PPA1: variants seen among roughly 807,000 people sequenced by gnomAD.
The protein encoded by PPA1 is inorganic pyrophosphatase.
In PPA1, 23 loss-of-function variants were observed where a neutral mutation model predicts 41.8. That is an observed-to-expected ratio of 0.55 (90% CI 0.40 to 0.78). The LOEUF is 0.78. Ranked by LOEUF, PPA1 falls within the 30% of genes least tolerant of loss-of-function variation. The probability of loss-of-function intolerance (pLI) is 0.00; values close to 1 mark genes in which losing one functional copy is unlikely to be tolerated. For synonymous variants in PPA1, 101 were observed against 116.8 expected (o/e 0.86, Z 0.87); for missense variants, 320 against 361.6 (o/e 0.89, Z 0.93).
intron 8 of PPA1, among the ~76,000 whole-genome samples, chr10:70,207,390 G>A (rs1270563468): frequency 1.3e-5 from 2 of 152,112 alleles, no homozygotes. Context: ...TTCTAGACTA[G>A]GCATGGTGGC....
chr10:70,203,272 G>C, intron 10 of PPA1, 86 bp from the exon 11 acceptor site: 1 of 1,170,394 alleles, frequency 8.5e-7, no homozygotes, highest in South Asian at 1.3e-5. Context: ...TAATATACTT[G>C]CTTTAATGAA....
At chr10:70,226,536 G>C (rs916154917) in intron 2 of PPA1, among the ~76,000 whole-genome samples, 3 of 151,602 alleles carry the variant, frequency 2.0e-5, no homozygotes, top group Admixed American at 2.0e-4. Context: ...GGGTGACAGA[G>C]TGAGACCCTG....
At chr10:70,204,235 T>TA (rs1372207516) in intron 10 of PPA1, 3 of 152,006 alleles carry the variant, frequency 2.0e-5, no homozygotes, top group Non-Finnish European at 2.9e-5. Context: ...CTACAAATTA[T>TA]AAAAAAATTA....
intron 2 of PPA1, among the ~76,000 whole-genome samples, chr10:70,224,961 C>G (rs1018536314): frequency 6.6e-6 from 1 of 152,140 alleles, no homozygotes; most frequent in African/African-American, 2.4e-5. Context: ...GAGCTCCCGA[C>G]CTCAGGTGAT....
chr10:70,204,611 T>C (rs935350884), intron 10 of PPA1: 1 of 378,074 alleles, frequency 2.6e-6, no homozygotes, highest in African/African-American at 2.1e-5. Context: ...TTGCACAGGA[T>C]GGTGACTGTA....
intron 8 of PPA1, among the ~76,000 whole-genome samples, chr10:70,206,865 AGGAGGGGAGGGGAGGGGAGGGGAGG>A (rs77729015): frequency 1.2e-4 from 1 of 8,660 alleles, no homozygotes; most frequent in African/African-American, 5.7e-4. Context: ...AGGAGAGGAG[AGGAGGGGAGGGGAGGGGAGGGGAGG>A]GGAGGGGAGG....
intron 3 of PPA1, chr10:70,218,298 A>G (rs1840100443): frequency 5.6e-6 from 1 of 179,754 alleles, no homozygotes; most frequent in Admixed American, 5.9e-5. Flanking sequence ...AAATTATTCA[A>G]ATACTTGGGT....
chr10:70,214,276 T>C lies in PPA1; in HGVS notation c.384+224A>G, dbSNP rs977509606. On this transcript the variant is annotated intron_variant, in intron 5 of 10. Coordinates refer to ENST00000373232, the MANE Select transcript of PPA1 (RefSeq NM_021129.4). Reference sequence around the variant, plus strand: ...AGAACATGTCCAGTTCTTCTAGATATATGTTCAATCATACATACATAGACA... The same window carrying C: ...AGAACATGTCCAGTTCTTCTAGATACATGTTCAATCATACATACATAGACA... Among the ~76,000 whole-genome samples, 111 of 152,232 alleles carry C rather than the reference T, an allele frequency of 7.3e-4. 12 individuals are homozygous for C. The highest frequency in any genetic ancestry group is 6.5e-5 in the Admixed American group (1 of 15,284).
At chr10:70,231,750 T>C (rs1172770670) in intron 1 of PPA1, among the ~76,000 whole-genome samples, 1 of 152,078 alleles carries the variant, frequency 6.6e-6, no homozygotes, top group African/African-American at 2.4e-5. Flanking sequence ...GTTCTAATTA[T>C]TAGTATTTCT....
chr10:70,224,246 CAAAAAA>C (rs58480019), intron 2 of PPA1, among the ~76,000 whole-genome samples: 1 of 69,460 alleles, frequency 1.4e-5, no homozygotes, highest in African/African-American at 5.5e-5. Flanking sequence ...CCTGTCTCTA[CAAAAAA>C]AAAAAAAAAA....
At chr10:70,212,015 T>A (rs975385459) in intron 6 of PPA1, among the ~76,000 whole-genome samples, 1 of 152,214 alleles carries the variant, frequency 6.6e-6, no homozygotes, top group Non-Finnish European at 1.5e-5. Context: ...ACTGCTGACA[T>A]TGACCTCCAT....
Position 70,209,184 on chromosome 10 carries a change from A to C in PPA1, c.725+21T>G, listed in dbSNP as rs762217732. The C allele has an allele frequency of 3.3e-6, 5 of 1,522,132 alleles. No homozygotes were observed. The South Asian group carries it at 5.6e-5, about 17-fold the overall frequency. The allele number at this position is 1,522,132 out of a possible 1,614,324, so 94.3% of individuals were successfully genotyped here. A position where few individuals can be genotyped will look rare whatever the true frequency, so the allele number is the denominator to read the frequency against. The stretch of plus-strand genomic sequence containing the variant: ...AGCTGGTCTGCTTTGTGTGTTAAAC[A>C]TGCAAAGTGTTTACACTTACCAACT... On this transcript the variant is annotated intron_variant, in intron 8 of 10. Transcript: ENST00000373232.
chr10:70,214,668 G>T, intron 4 of PPA1, 82 bp from the exon 5 acceptor site: 1 of 1,089,334 alleles, frequency 9.2e-7, no homozygotes, highest in South Asian at 1.5e-5. Context: ...AACATCCTAT[G>T]ACTCTTCAGC....
Position 70,221,067 on chromosome 10 carries a change from T to TA in PPA1, c.124-2251dup, listed in dbSNP as rs1205924985. Among the ~76,000 whole-genome samples, 15 of 16,522 alleles carry TA rather than the reference T, an allele frequency of 9.1e-4. 1 individual carries two copies. The highest frequency in any genetic ancestry group is 2.9e-3 in the East Asian group (1 of 346). The allele number at this position is 16,522 out of a possible 152,430, so 10.8% of individuals were successfully genotyped here. A position where few individuals can be genotyped will look rare whatever the true frequency, so the allele number is the denominator to read the frequency against. On this transcript the variant is annotated intron_variant, in intron 2 of 10. Transcript: ENST00000373232. ...TATATATATATATAATTTATATATA[T>TA]ATATATATATTTTTTTTTTTTTTTT...
At chr10:70,212,738 G>A (rs1307305581) in intron 6 of PPA1, among the ~76,000 whole-genome samples, 1 of 151,398 alleles carries the variant, frequency 6.6e-6, no homozygotes, top group Non-Finnish European at 1.5e-5. Context: ...GGTGATGGCT[G>A]CACAACCTTG....
chr10:70,209,328 G>T (rs2136753774), intron 7 of PPA1, 38 bp from the exon 8 acceptor site: 2 of 1,480,292 alleles, frequency 1.4e-6, no homozygotes, highest in Middle Eastern at 2.4e-4. Context: ...ATGATAAAAA[G>T]GTATTATTTT....
intron 1 of PPA1, among the ~76,000 whole-genome samples, chr10:70,230,812 T>C (rs1840282594): frequency 2.0e-5 from 3 of 152,200 alleles, no homozygotes; most frequent in Non-Finnish European, 1.5e-5. Context: ...ATTCTTACAC[T>C]AGAAAAACTG....
At chr10:70,204,799 TA>T in intron 10 of PPA1, 73 bp downstream of exon 10, 1 of 1,219,638 alleles carries the variant, frequency 8.2e-7, no homozygotes, top group South Asian at 1.4e-5. Flanking sequence ...ATTTGTCAAC[TA>T]AAAATAAAAG....
rs1840140385 is a variant in PPA1 at position 70,220,719 on chromosome 10, ATATATATAATATATATAATT to A, written c.124-1922_124-1903del. Among the ~76,000 whole-genome samples the A allele has an allele frequency of 3.5e-4, 4 of 11,448 alleles. 2 individuals carry two copies. Among genetic ancestry groups the A allele is most frequent in the Admixed American group, 4.6e-3 (2 of 436 alleles). The allele number at this position is 11,448 out of a possible 152,430, so 7.5% of individuals were successfully genotyped here. A position where few individuals can be genotyped will look rare whatever the true frequency, so the allele number is the denominator to read the frequency against. The stretch of plus-strand genomic sequence containing the variant: ...TATATATATATAATATATATAATTT[ATATATATAATATATATAATT>A]TATATATATATAATATATATAATTT... On this transcript the variant is annotated intron_variant, in intron 2 of 10. Coordinates refer to ENST00000373232, the MANE Select transcript of PPA1 (RefSeq NM_021129.4).
Sources: gnomAD v4.1 joint callset for allele counts (sites outside exome capture counted in the v4.1 genomes callset) on GRCh38, gnomAD v4.1.1 for gene constraint, MANE v1.5 for transcripts, NCBI Gene and HGNC (gene_info 2026-07-23, HGNC 2026-07-21) for gene names.